Variants in GATA4 observed in about 807,000 individuals in gnomAD.
The protein encoded by GATA4 is transcription factor GATA-4.
GATA4 carries 7 observed loss-of-function variants against 37.9 expected under a neutral mutation model. The ratio of observed to expected loss-of-function variants is 0.18; its 90% confidence interval spans 0.11 to 0.35. The LOEUF (loss-of-function observed/expected upper bound fraction) is 0.35. Ranked by LOEUF, GATA4 falls within the 10% of genes least tolerant of loss-of-function variation. The probability of loss-of-function intolerance (pLI) is 1.00; values close to 1 mark genes in which losing one functional copy is unlikely to be tolerated. For synonymous variants in GATA4, 372 were observed against 292.6 expected (o/e 1.27, Z -2.77); for missense variants, 647 against 653.0 (o/e 0.99, Z 0.10).
intron 2 of GATA4, among the ~76,000 whole-genome samples, chr8:11,716,305 T>A (rs1360731081): frequency 6.6e-6 from 1 of 152,194 alleles, no homozygotes; most frequent in East Asian, 1.9e-4. Context: ...GAAAGTAGCA[T>A]CTTTTTCTTT....
chr8:11,737,187 C>G (rs1023861028), intron 2 of GATA4, among the ~76,000 whole-genome samples: 3 of 152,090 alleles, frequency 2.0e-5, no homozygotes, highest in Non-Finnish European at 2.9e-5. Flanking sequence ...GTATAAATTT[C>G]TACACCCTTG....
At chr8:11,710,717 A>G (rs1187237453) in intron 2 of GATA4, among the ~76,000 whole-genome samples, 6 of 139,772 alleles carry the variant, frequency 4.3e-5, no homozygotes, top group Admixed American at 2.2e-4. Context: ...AAAAAAAAGG[A>G]CTGGTCCAGG....
intron 2 of GATA4, among the ~76,000 whole-genome samples, chr8:11,731,593 G>A (rs1042161249): frequency 7.2e-5 from 11 of 152,340 alleles, no homozygotes; most frequent in African/African-American, 2.4e-4. Flanking sequence ...GGGTGCGGGA[G>A]GATGGGGAGT....
intron 5 of GATA4, 115 bp from the exon 6 acceptor site, chr8:11,756,820 C>G (rs3729854): frequency 7.1e-7 from 1 of 1,400,792 alleles, no homozygotes; most frequent in African/African-American, 1.4e-5. Flanking sequence ...GCTGCTGTCC[C>G]CGGCAAATGT....
upstream of GATA4, chr8:11,691,936 C>T: frequency 1.2e-6 from 1 of 868,190 alleles, no homozygotes; most frequent in Non-Finnish European, 1.4e-6. Flanking sequence ...AATCAAAAAC[C>T]ACTTCAGACC....
intron 1 of GATA4, among the ~76,000 whole-genome samples, chr8:11,693,556 CACACACAG>C (rs778020550): frequency 0.19 from 19,586 of 101,584 alleles, 1,460 homozygotes; most frequent in Non-Finnish European, 0.26. Context: ...CACACACACA[CACACACAG>C]AGAGAGAGAG....
At chr8:11,742,388 T>TG (rs920964973) in intron 2 of GATA4, among the ~76,000 whole-genome samples, 4 of 127,968 alleles carry the variant, frequency 3.1e-5, no homozygotes, top group African/African-American at 1.0e-4. Context: ...TGTTTTGTTT[T>TG]TTTTTTTTCC....
chr8:11,713,650 GA>G (rs905497305), intron 2 of GATA4, among the ~76,000 whole-genome samples: 1 of 150,074 alleles, frequency 6.7e-6, no homozygotes, highest in Non-Finnish European at 1.5e-5. Flanking sequence ...AAAAAAAAAA[GA>G]AAAAAAAGAC....
intron 4 of GATA4, among the ~76,000 whole-genome samples, chr8:11,754,661 T>G (rs902503810): frequency 1.3e-5 from 2 of 152,316 alleles, no homozygotes; most frequent in African/African-American, 4.8e-5. Context: ...AAGCCTTCCT[T>G]GATATCCTCA....
chr8:11,710,547 G>T (rs1398896158), intron 2 of GATA4, among the ~76,000 whole-genome samples: 5 of 151,120 alleles, frequency 3.3e-5, no homozygotes, highest in Non-Finnish European at 5.9e-5. Flanking sequence ...AAAAATTAGC[G>T]GTCGTGGTGG....
upstream of GATA4, among the ~76,000 whole-genome samples, chr8:11,690,185 C>G (rs2129971664): frequency 2.0e-5 from 3 of 152,348 alleles, no homozygotes; most frequent in South Asian, 6.2e-4. Context: ...CACGTGGCAT[C>G]TTCCGCACAT....
Position 11,716,171 on chromosome 8 carries a change from T to C in GATA4, c.616+7243T>C, listed in dbSNP as rs117151406. On this transcript the variant is annotated intron_variant, in intron 2 of 6. Coordinates refer to ENST00000532059, the MANE Select transcript of GATA4 (RefSeq NM_001308093.3). Reference sequence around the variant, plus strand: ...TTGGCTACTGTGAATAATGCTGCTATGAACATGGGTATGCAAATGAAACCT... The same window carrying C: ...TTGGCTACTGTGAATAATGCTGCTACGAACATGGGTATGCAAATGAAACCT... Among the ~76,000 whole-genome samples the C allele has an allele frequency of 8.3e-4, 127 of 152,322 alleles. 1 individual carries two copies. The East Asian group carries it at 0.02, about 24-fold the overall frequency.
In GATA4 at chr8:11,708,917, A is replaced by T; in HGVS notation, c.605A>T (p.His202Leu). The T allele has an allele frequency of 6.6e-7, 1 of 1,523,336 alleles. No homozygotes were observed. The highest frequency in any genetic ancestry group is 1.2e-5 in the South Asian group (1 of 83,362). The allele number at this position is 1,523,336 out of a possible 1,614,324, so 94.4% of individuals were successfully genotyped here. A position where few individuals can be genotyped will look rare whatever the true frequency, so the allele number is the denominator to read the frequency against. Residue 202 changes from histidine (H) to leucine (L), a missense_variant, in exon 2 of 7, where the codon CAC becomes CTC. Physicochemically the swap from His to Leu is moderately conservative, Grantham distance 99. Coordinates refer to ENST00000532059, the MANE Select transcript of GATA4 (RefSeq NM_001308093.3). This position sits in a 1 kb window ranked among gnomAD's most constrained non-coding sequence, Gnocchi z 6.7. ...GGCCGGGCCAACCCGGCCGCCCGAC[A>T]CCCCAATCTCGGTGAGTAGGAGCGC... ...LPGRANPAAR[H>L]PNLVDMFDDF...
chr8:11,725,217 A>G (rs1800859152), intron 2 of GATA4, among the ~76,000 whole-genome samples: 1 of 152,248 alleles, frequency 6.6e-6, no homozygotes, highest in Admixed American at 6.5e-5. Context: ...GCCCAGGCCA[A>G]TGTCATCATC....
chr8:11,737,882 C>T (rs1005780553), intron 2 of GATA4, among the ~76,000 whole-genome samples: 20 of 152,050 alleles, frequency 1.3e-4, no homozygotes, highest in African/African-American at 4.3e-4. Flanking sequence ...TTTTATTTAA[C>T]ATGCAAAATA....
At chr8:11,753,851 C>T (rs1246924334) in intron 4 of GATA4, among the ~76,000 whole-genome samples, 1 of 152,194 alleles carries the variant, frequency 6.6e-6, no homozygotes, top group East Asian at 1.9e-4. Context: ...ACATGGTAGA[C>T]AAGCACAGCA....
intron 2 of GATA4, among the ~76,000 whole-genome samples, chr8:11,740,803 G>A (rs1042456269): frequency 4.0e-5 from 6 of 151,362 alleles, no homozygotes; most frequent in East Asian, 1.9e-4. Flanking sequence ...GCATGATCAC[G>A]GCTCACTGCA....
chr8:11,743,074 C>T (rs1473703395), intron 2 of GATA4, among the ~76,000 whole-genome samples: 2 of 152,234 alleles, frequency 1.3e-5, no homozygotes, highest in Non-Finnish European at 1.5e-5. Flanking sequence ...GGCACGGGCC[C>T]TTTCCACTGT....
At chr8:11,750,461 T>G (rs999931000) in intron 4 of GATA4, among the ~76,000 whole-genome samples, 1 of 152,238 alleles carries the variant, frequency 6.6e-6, no homozygotes, top group Non-Finnish European at 1.5e-5. Flanking sequence ...TGTAGCAGTT[T>G]GATGTGTAAC....
Sources: gnomAD v4.1 joint callset for allele counts (sites outside exome capture counted in the v4.1 genomes callset) on GRCh38, gnomAD v4.1.1 for gene constraint, Gnocchi (gnomAD v3.1) non-coding constraint, MANE v1.5 for transcripts, NCBI Gene and HGNC (gene_info 2026-07-23, HGNC 2026-07-21) for gene names.